Variants in HDAC4 observed in about 807,000 individuals in gnomAD.
HDAC4 encodes the protein histone deacetylase A.
HDAC4 carries 16 observed loss-of-function variants against 135.1 expected under a neutral mutation model. The observed-to-expected ratio is 0.12, with a 90% CI of 0.08 to 0.18. The LOEUF is 0.18. Among genes scored for constraint, HDAC4 ranks in the 10% least tolerant of loss-of-function variants. The pLI is 1.00. For synonymous variants in HDAC4, 685 were observed against 653.4 expected, an observed-to-expected ratio of 1.05 and a Z score of -0.74; for missense variants, 1,143 against 1,511.8, an observed-to-expected ratio of 0.76 and a Z score of 4.05.
rs2052657439 is a variant in HDAC4, at chr2:239,307,427, C to G, written c.22+45251G>C. ...GAGAGGGGCTTGAAGGATGGGTACC[C>G]CAAGCTGTCAAAAGACCAAGTGGCT... On this transcript the variant is annotated intron_variant, in intron 2 of 26. Coordinates refer to ENST00000543185, the MANE Select transcript of HDAC4 (RefSeq NM_001378414.1). This position sits in a 1 kb window ranked among gnomAD's most constrained non-coding sequence, Gnocchi z 4.8. Among the ~76,000 whole-genome samples the G allele has an allele frequency of 6.6e-6, 1 of 152,130 alleles. No individual in the cohort carries two copies. Among genetic ancestry groups the G allele is most frequent in the African/African-American group, 2.4e-5 (1 of 41,432 alleles).
intron 2 of HDAC4, among the ~76,000 whole-genome samples, chr2:239,319,929 T>C (rs189409552): frequency 6.6e-6 from 1 of 152,286 alleles, no homozygotes; most frequent in Admixed American, 6.5e-5. Context: ...AAAGCAAACA[T>C]GTAAATGTCC....
chr2:239,150,806 AC>A (rs2042074446), intron 7 of HDAC4, among the ~76,000 whole-genome samples: 1 of 145,526 alleles, frequency 6.9e-6, no homozygotes, highest in South Asian at 2.2e-4. Context: ...TGAAGTATAT[AC>A]CGCACCTCCT....
intron 2 of HDAC4, among the ~76,000 whole-genome samples, chr2:239,339,359 T>A (rs1008148875): frequency 2.6e-5 from 4 of 152,258 alleles, no homozygotes; most frequent in Admixed American, 2.6e-4. Context: ...CAGGGCCCGA[T>A]GAAAGGAAGC....
chr2:239,293,507 G>A (rs368430617), intron 2 of HDAC4, among the ~76,000 whole-genome samples: 5 of 152,218 alleles, frequency 3.3e-5, no homozygotes, highest in African/African-American at 1.2e-4. Flanking sequence ...CAGCAAAGGA[G>A]CGTGGGAGAA....
At chr2:239,310,914 C>T (rs1418331412) in intron 2 of HDAC4, among the ~76,000 whole-genome samples, 2 of 152,228 alleles carry the variant, frequency 1.3e-5, no homozygotes, top group Non-Finnish European at 2.9e-5. Context: ...CCACGGCCAC[C>T]GGCCATTTAA....
intron 3 of HDAC4, among the ~76,000 whole-genome samples, chr2:239,223,554 G>C (rs2047082115): frequency 6.6e-6 from 1 of 152,224 alleles, no homozygotes; most frequent in Non-Finnish European, 1.5e-5. Flanking sequence ...TCCTGAACCA[G>C]TAACTACTGT....
At chr2:239,365,316 A>C (rs1694119663) in intron 1 of HDAC4, among the ~76,000 whole-genome samples, 2 of 152,140 alleles carry the variant, frequency 1.3e-5, no homozygotes, top group East Asian at 3.8e-4. Flanking sequence ...TTCATAATGG[A>C]CTCTACACTT....
chr2:239,124,047 T>C (rs1172237446), intron 12 of HDAC4, among the ~76,000 whole-genome samples: 1 of 151,948 alleles, frequency 6.6e-6, no homozygotes, highest in Non-Finnish European at 1.5e-5. Flanking sequence ...GGAGAGACAA[T>C]AAACGGAGAA....
intron 1 of HDAC4, among the ~76,000 whole-genome samples, chr2:239,393,277 G>GC (rs1696352484): frequency 6.6e-6 from 1 of 152,220 alleles, no homozygotes; most frequent in African/African-American, 2.4e-5. Context: ...ATCTGAATGG[G>GC]CCTGCCTCCA....
At chr2:239,273,844 A>G (rs539719153) in intron 2 of HDAC4, among the ~76,000 whole-genome samples, 1 of 152,366 alleles carries the variant, frequency 6.6e-6, no homozygotes, top group Admixed American at 6.5e-5. Flanking sequence ...AGAACCCACG[A>G]ACCTTACTTA....
chr2:239,162,813 C>T (rs536917164), intron 6 of HDAC4, among the ~76,000 whole-genome samples: 2 of 152,102 alleles, frequency 1.3e-5, no homozygotes, highest in African/African-American at 2.4e-5. Flanking sequence ...GGGTAGCGGG[C>T]GGCCTCCACG....
At chr2:239,121,454 G>A (rs961147664) in intron 12 of HDAC4, among the ~76,000 whole-genome samples, 13 of 152,226 alleles carry the variant, frequency 8.5e-5, no homozygotes, top group East Asian at 1.9e-4. Flanking sequence ...CGCGTCTACC[G>A]TGCTGTGCAT....
chr2:239,278,615 T>G (rs2050528990), intron 2 of HDAC4, among the ~76,000 whole-genome samples: 1 of 152,122 alleles, frequency 6.6e-6, no homozygotes. Flanking sequence ...GAGGCTGCAG[T>G]GAGGCGAGAT....
At chr2:239,094,743 A>G in intron 17 of HDAC4, 1 of 1,321,300 alleles carries the variant, frequency 7.6e-7, no homozygotes, top group Non-Finnish European at 9.7e-7. Flanking sequence ...GGCTGCATAC[A>G]GGATCCTGTT....
intron 12 of HDAC4, among the ~76,000 whole-genome samples, chr2:239,123,222 G>A: frequency 6.6e-6 from 1 of 152,226 alleles, no homozygotes; most frequent in East Asian, 1.9e-4. Context: ...TTGGCATTAG[G>A]AAGACGGATG....
chr2:239,116,438 C>A lies in HDAC4; in HGVS notation c.1534-1128G>T, dbSNP rs545569499. ...CAAGCTCCCAATTCTGTCCGCCAAG[C>A]ACTGCCCATGCATTGCTCACGAGAA... On this transcript the variant is annotated intron_variant, in intron 12 of 26. Coordinates refer to ENST00000543185, the MANE Select transcript of HDAC4 (RefSeq NM_001378414.1). 5.2e-5 allele frequency among the ~76,000 whole-genome samples: 8 copies of A among 152,386 alleles called. No homozygotes were observed. The East Asian group carries it at 5.8e-4, about 11-fold the overall frequency.
At chr2:239,218,882 C>T (rs1400090911) in intron 3 of HDAC4, among the ~76,000 whole-genome samples, 3 of 151,530 alleles carry the variant, frequency 2.0e-5, no homozygotes, top group Admixed American at 6.6e-5. Context: ...TCACCATCAC[C>T]GGCCATCAGA....
chr2:239,066,014 A>G (rs1380774035), intron 24 of HDAC4, among the ~76,000 whole-genome samples: 1 of 152,194 alleles, frequency 6.6e-6, no homozygotes, highest in Non-Finnish European at 1.5e-5. Flanking sequence ...TGACATTGGT[A>G]GCTGTGGCAC....
At position 239,118,558 on chromosome 2, in the gene HDAC4, G is replaced by A. The variant is rs565263697; in HGVS notation, c.1534-3248C>T. Among the ~76,000 whole-genome samples the A allele has an allele frequency of 9.9e-5, 15 of 152,270 alleles. No homozygotes were observed. In the East Asian group the frequency reaches 2.1e-3, roughly 22 times the overall value. ...TGCCGTTGGGAGAGGAATAAGTTCC[G>A]GGACCTGATGCACAGTTTGGTGGCC... On this transcript the variant is annotated intron_variant, in intron 12 of 26. Coordinates refer to ENST00000543185, the MANE Select transcript of HDAC4 (RefSeq NM_001378414.1).
Sources: gnomAD v4.1 joint callset for allele counts (sites outside exome capture counted in the v4.1 genomes callset) on GRCh38, gnomAD v4.1.1 for gene constraint, Gnocchi (gnomAD v3.1) non-coding constraint, MANE v1.5 for transcripts, NCBI Gene and HGNC (gene_info 2026-07-23, HGNC 2026-07-21) for gene names.